The following STPG2 variants were observed in gnomAD, a reference collection of about 807,000 sequenced individuals.
The protein encoded by STPG2 is sperm tail PG-rich repeat containing 2.
STPG2 carries 56 observed loss-of-function variants against 54.2 expected under a neutral mutation model. That is an observed-to-expected ratio of 1.03 (90% confidence interval 0.83 to 1.29). The LOEUF is 1.29. Ranked by LOEUF, STPG2 falls within the 50% of genes most tolerant of loss-of-function variation. STPG2 has a pLI of 0.00. For missense variants in STPG2, 596 were observed against 544.9 expected (o/e 1.09, Z -0.93); for synonymous variants, 200 against 181.8 (o/e 1.10, Z -0.81).
intron 8 of STPG2, among the ~76,000 whole-genome samples, chr4:97,868,685 A>G (rs1215535989): frequency 6.6e-6 from 1 of 151,740 alleles, no homozygotes; most frequent in Non-Finnish European, 1.5e-5. Context: ...ACAACTCCCC[A>G]TCTCAGACAG....
chr4:97,850,461 T>G (rs186751621), intron 8 of STPG2, among the ~76,000 whole-genome samples: 3,529 of 151,948 alleles, frequency 0.023, 84 homozygotes, highest in African/African-American at 0.065. Context: ...TTACCATTTT[T>G]TTTTGTTTTG....
chr4:97,621,043 G>C (rs903040033), intron 10 of STPG2, among the ~76,000 whole-genome samples: 3 of 151,994 alleles, frequency 2.0e-5, no homozygotes, highest in Non-Finnish European at 2.9e-5. Flanking sequence ...CCGAGGGTGG[G>C]GAGAGTAATA....
chr4:97,933,073 G>A (rs1173723171), intron 8 of STPG2, among the ~76,000 whole-genome samples: 1 of 152,152 alleles, frequency 6.6e-6, no homozygotes, highest in Non-Finnish European at 1.5e-5. Flanking sequence ...ACTGGCATAA[G>A]ATGGTATCTT....
chr4:97,675,957 G>C (rs1027507703), intron 10 of STPG2, among the ~76,000 whole-genome samples: 2 of 143,088 alleles, frequency 1.4e-5, no homozygotes, highest in Non-Finnish European at 3.0e-5. Context: ...AGTATATATA[G>C]TATACTATAT....
chr4:97,473,830 C>T (rs1018101422), intron 4 of STPG2, among the ~76,000 whole-genome samples: 1 of 152,088 alleles, frequency 6.6e-6, no homozygotes, highest in Non-Finnish European at 1.5e-5. Flanking sequence ...CTTTATTTCT[C>T]AAACCAGCCG....
At chr4:97,470,988 T>C (rs1223489732) in intron 4 of STPG2, among the ~76,000 whole-genome samples, 1 of 152,140 alleles carries the variant, frequency 6.6e-6, no homozygotes, top group Non-Finnish European at 1.5e-5. Flanking sequence ...GATGGTTGGG[T>C]ATTAGGAGCA....
At chr4:97,901,502 A>C (rs2149186555) in intron 8 of STPG2, among the ~76,000 whole-genome samples, 1 of 152,166 alleles carries the variant, frequency 6.6e-6, no homozygotes, top group East Asian at 1.9e-4. Context: ...AGAATACAAA[A>C]TTAACATACA....
rs552591179 is a variant in STPG2 at position 97,977,175 on chromosome 4, T to C, written c.772+3984A>G. 3.3e-5 allele frequency among the ~76,000 whole-genome samples: 5 copies of C among 152,296 alleles called. No homozygotes were observed. In the East Asian group the frequency reaches 9.6e-4, roughly 29 times the overall value. ...CTATTGATCTTCATTATAGCTTAAC[T>C]TCCCTTTTACTTCTCTGACACAAAG... On this transcript the variant is annotated intron_variant, in intron 6 of 10. Coordinates refer to ENST00000295268, the MANE Select transcript of STPG2 (RefSeq NM_174952.3).
chr4:97,815,614 A>C (rs1398549092), intron 9 of STPG2, among the ~76,000 whole-genome samples: 1 of 152,174 alleles, frequency 6.6e-6, no homozygotes, highest in African/African-American at 2.4e-5. Flanking sequence ...AATTTTACAT[A>C]ATACCATTTA....
At chr4:98,016,866 G>C (rs1416747553) in intron 5 of STPG2, among the ~76,000 whole-genome samples, 1 of 152,136 alleles carries the variant, frequency 6.6e-6, no homozygotes, top group African/African-American at 2.4e-5. Context: ...GCATTTGAAG[G>C]AACAGGCTCT....
intron 8 of STPG2, among the ~76,000 whole-genome samples, chr4:97,862,028 A>C (rs1401518896): frequency 6.6e-6 from 1 of 152,090 alleles, no homozygotes; most frequent in African/African-American, 2.4e-5. Context: ...CGAGCAAAAT[A>C]ACCAGCTAAC....
chr4:97,890,095 C>T (rs947068988), intron 8 of STPG2, among the ~76,000 whole-genome samples: 1 of 152,032 alleles, frequency 6.6e-6, no homozygotes, highest in Non-Finnish European at 1.5e-5. Flanking sequence ...TTCTAGCTAA[C>T]TTTTCTTCTA....
chr4:97,885,947 G>A (rs1730550816), intron 8 of STPG2, among the ~76,000 whole-genome samples: 2 of 152,136 alleles, frequency 1.3e-5, no homozygotes. Flanking sequence ...GTCATAAAAT[G>A]TTCTAAGATT....
At chr4:97,453,121 C>G (rs1183901939) in intron 4 of STPG2, among the ~76,000 whole-genome samples, 1 of 152,210 alleles carries the variant, frequency 6.6e-6, no homozygotes, top group Non-Finnish European at 1.5e-5. Context: ...CTTGGGAGCT[C>G]CCTGAGCCAG....
chr4:98,029,369 A>G (rs1010200323), intron 5 of STPG2, among the ~76,000 whole-genome samples: 2 of 152,148 alleles, frequency 1.3e-5, no homozygotes, highest in African/African-American at 2.4e-5. Flanking sequence ...CTATACATGC[A>G]TATACCTTTA....
chr4:97,828,762 T>C (rs1728344928), intron 9 of STPG2, among the ~76,000 whole-genome samples: 1 of 152,092 alleles, frequency 6.6e-6, no homozygotes, highest in African/African-American at 2.4e-5. Flanking sequence ...CCTCACAGTG[T>C]AAACGAAGTT....
chr4:97,768,023 C>T (rs1423776422), intron 9 of STPG2, among the ~76,000 whole-genome samples: 3 of 151,888 alleles, frequency 2.0e-5, no homozygotes, highest in Non-Finnish European at 2.9e-5. Context: ...AAAAAATTAG[C>T]GGGCGTGGTG....
At chr4:97,751,518 G>A (rs1166459106) in intron 9 of STPG2, among the ~76,000 whole-genome samples, 1 of 151,798 alleles carries the variant, frequency 6.6e-6, no homozygotes, top group East Asian at 1.9e-4. Flanking sequence ...ATAAGGGGGA[G>A]ATTAAGGTTC....
At chr4:98,061,444 C>A (rs7682991) in intron 5 of STPG2, among the ~76,000 whole-genome samples, 59,911 of 151,876 alleles carry the variant, frequency 0.39, 12,045 homozygotes, top group Middle Eastern at 0.46. Flanking sequence ...AAACCACCAG[C>A]TCTCATGAGA....
Sources: gnomAD v4.1 joint callset for allele counts (sites outside exome capture counted in the v4.1 genomes callset) on GRCh38, gnomAD v4.1.1 for gene constraint, MANE v1.5 for transcripts, NCBI Gene and HGNC (gene_info 2026-07-23, HGNC 2026-07-21) for gene names.